The following ANK2 variants were observed in gnomAD, a reference collection of about 807,000 sequenced individuals.
ANK2 encodes ankyrin 2, also known as ankyrin-2.
ANK2 carries 83 observed loss-of-function variants against 360.5 expected under a neutral mutation model. The observed-to-expected ratio is 0.23, with a 90% CI of 0.19 to 0.28. The LOEUF is 0.28. ANK2 is among the 10% of genes least tolerant of loss of function. The probability of loss-of-function intolerance (pLI) is 1.00; values close to 1 mark genes in which losing one functional copy is unlikely to be tolerated. For missense variants in ANK2, 4,201 were observed against 4,795.7 expected (o/e 0.88, Z 3.66); for synonymous variants, 1,740 against 1,759.5 (o/e 0.99, Z 0.28).
intron 1 of ANK2, among the ~76,000 whole-genome samples, chr4:112,830,911 G>A (rs2059570963): frequency 6.6e-6 from 1 of 152,208 alleles, no homozygotes; most frequent in Non-Finnish European, 1.5e-5. Context: ...ACGGCTGGCT[G>A]GAGCCACCAG....
intron 1 of ANK2, among the ~76,000 whole-genome samples, chr4:113,172,758 T>C (rs542635432): frequency 9.2e-5 from 14 of 152,342 alleles, no homozygotes; most frequent in African/African-American, 3.1e-4. Flanking sequence ...TATTTAATTT[T>C]TGTTGTTTTA....
intron 2 of ANK2, among the ~76,000 whole-genome samples, chr4:113,040,433 C>T (rs1019800169): frequency 6.6e-6 from 1 of 152,054 alleles, no homozygotes; most frequent in East Asian, 1.9e-4. Context: ...TGTGGTAAAC[C>T]TTATGTTGGA....
rs779350791 is a variant in ANK2, at chr4:113,311,301, G to C, written c.2595G>C (p.Glu865Asp). The change falls in exon 24 of 46, where the codon GAG (glutamate) becomes GAC (aspartate). Residue 865 changes from glutamate (E) to aspartate (D), a missense_variant. Glu to Asp is a conservative substitution (Grantham distance 45). Transcript: ENST00000357077. ...ATGGGGGAGAATACCTTAGGCCTGA[G>C]GACCTAAAAGAACTGGGTGATGACT... ...TGDGGEYLRP[E>D]DLKELGDDSL... The C allele has an allele frequency of 1.9e-6, 3 of 1,613,970 alleles. No individual in the cohort carries two copies. In the South Asian group the frequency reaches 3.3e-5, roughly 18 times the overall value.
intron 26 of ANK2, chr4:113,323,854 A>G: frequency 6.6e-7 from 1 of 1,521,516 alleles, no homozygotes; most frequent in Non-Finnish European, 9.0e-7. Context: ...CCCTTTCGCC[A>G]TCTCCTTCTG....
chr4:112,839,165 T>A (rs968181532), intron 1 of ANK2, among the ~76,000 whole-genome samples: 4 of 152,230 alleles, frequency 2.6e-5, no homozygotes, highest in Non-Finnish European at 4.4e-5. Context: ...TTTCTCAGCA[T>A]TACCTCATTT....
intron 1 of ANK2, chr4:112,880,302 A>G (rs1248931105): frequency 6.6e-6 from 1 of 152,186 alleles, no homozygotes; most frequent in Non-Finnish European, 1.5e-5. Flanking sequence ...AGATTATAGA[A>G]TATTTCCATC....
At chr4:113,048,272 ATATATTTTTTTT>A (rs1374769877), upstream of ANK2, among the ~76,000 whole-genome samples, 16 of 47,954 alleles carry the variant, frequency 3.3e-4, no homozygotes, top group African/African-American at 6.1e-4. Context: ...ATATATATAT[ATATATTTTTTTT>A]TTTTTTTTTT....
chr4:113,057,282 G>A (rs1418130436), intron 1 of ANK2, among the ~76,000 whole-genome samples: 1 of 152,074 alleles, frequency 6.6e-6, no homozygotes, highest in Non-Finnish European at 1.5e-5. Context: ...TCTGTAGAAG[G>A]GCAAGAGATC....
chr4:113,312,893 A>T (rs1587962458), intron 24 of ANK2, among the ~76,000 whole-genome samples: 2 of 152,178 alleles, frequency 1.3e-5, no homozygotes, highest in South Asian at 4.1e-4. Flanking sequence ...CTGAGAAGCA[A>T]TTGTTCGTGT....
intron 24 of ANK2, among the ~76,000 whole-genome samples, chr4:113,315,765 G>A (rs1269214185): frequency 2.6e-5 from 4 of 151,966 alleles, no homozygotes; most frequent in Non-Finnish European, 4.4e-5. Flanking sequence ...CAGGCGTGGT[G>A]GCAGGCGCCT....
At chr4:113,107,309 C>G (rs2093749710) in intron 1 of ANK2, among the ~76,000 whole-genome samples, 1 of 152,116 alleles carries the variant, frequency 6.6e-6, no homozygotes, top group South Asian at 2.1e-4. Flanking sequence ...CTCAGTCTCC[C>G]AGGTTTAAAC....
At chr4:113,277,015 G>C (rs29390) in intron 15 of ANK2, among the ~76,000 whole-genome samples, 1 of 152,154 alleles carries the variant, frequency 6.6e-6, no homozygotes, top group African/African-American at 2.4e-5. Context: ...TGCCATCCTC[G>C]AGATCTTAGT....
chr4:113,332,094 G>T lies in ANK2; in HGVS notation c.3224+24G>T, dbSNP rs756500925. ...GGGTAGGAGTGACTTAAAACAAATT[G>T]ATGGCTGCTGGCCCCCCATTCTTCT... On this transcript the variant is annotated intron_variant, in intron 28 of 45. Transcript: ENST00000357077. The T allele has an allele frequency of 1.9e-6, 3 of 1,573,052 alleles. No individual in the cohort carries two copies. The East Asian group carries it at 6.7e-5, about 35-fold the overall frequency.
chr4:113,284,245 T>C (rs766320514), intron 18 of ANK2, among the ~76,000 whole-genome samples: 29 of 152,202 alleles, frequency 1.9e-4, no homozygotes, highest in Non-Finnish European at 3.5e-4. Context: ...CGTCATGTCA[T>C]TCAGGTGGTC....
intron 14 of ANK2, among the ~76,000 whole-genome samples, chr4:113,267,395 A>T (rs1350781520): frequency 6.6e-6 from 1 of 152,238 alleles, no homozygotes; most frequent in Non-Finnish European, 1.5e-5. Flanking sequence ...CTTACATTTA[A>T]GTCTTTAATC....
At chr4:112,858,597 C>T (rs145737525) in intron 1 of ANK2, among the ~76,000 whole-genome samples, 119 of 152,258 alleles carry the variant, frequency 7.8e-4, no homozygotes, top group East Asian at 2.5e-3. Context: ...TTCTGTTCTT[C>T]GCATTCTTAG....
At chr4:113,296,720 A>G (rs969194946) in intron 22 of ANK2, among the ~76,000 whole-genome samples, 1 of 152,178 alleles carries the variant, frequency 6.6e-6, no homozygotes, top group Non-Finnish European at 1.5e-5. Context: ...TGGGATTACA[A>G]TCACTACATG....
chr4:113,049,312 G>T (rs917654649), upstream of ANK2, among the ~76,000 whole-genome samples: 4 of 152,132 alleles, frequency 2.6e-5, no homozygotes, highest in African/African-American at 9.7e-5. Flanking sequence ...ACACATTCTA[G>T]AATGTTACAG....
At chr4:112,999,327 A>G (rs2049764713) in intron 2 of ANK2, among the ~76,000 whole-genome samples, 1 of 152,124 alleles carries the variant, frequency 6.6e-6, no homozygotes, top group Non-Finnish European at 1.5e-5. Context: ...TGGATATATT[A>G]TCTTATTTGA....
Sources: gnomAD v4.1 joint callset for allele counts (sites outside exome capture counted in the v4.1 genomes callset) on GRCh38, gnomAD v4.1.1 for gene constraint, MANE v1.5 for transcripts, NCBI Gene and HGNC (gene_info 2026-07-23, HGNC 2026-07-21) for gene names.